Variants in ANXA8 observed in about 807,000 individuals in gnomAD.
The protein encoded by ANXA8 is annexin A8, also known as VAC-beta.
Under a neutral mutation model 26.8 loss-of-function variants are expected in ANXA8, and 9 were observed. The observed-to-expected ratio is 0.34, with a 90% CI of 0.20 to 0.59. The LOEUF (loss-of-function observed/expected upper bound fraction) is 0.59. Ranked by LOEUF, ANXA8 falls within the 20% of genes least tolerant of loss-of-function variation. The pLI, the probability that ANXA8 is intolerant of heterozygous loss-of-function variation, is 0.84. For synonymous variants in ANXA8, 39 were observed against 94.8 expected (o/e 0.41, Z 3.42); for missense variants, 83 against 238.5 (o/e 0.35, Z 4.29).
At chr10:47,556,570 G>GTTC in the ANXA8 span, among the ~76,000 whole-genome samples, 3 of 151,796 alleles carry the variant, frequency 2.0e-5, no homozygotes, top group Non-Finnish European at 4.4e-5. Context: ...CCATCAGGCT[G>GTTC]TAAGTTAAAT....
the ANXA8 span, among the ~76,000 whole-genome samples, chr10:47,733,197 CTTTCTTTCTTTCTTTCTT>C: frequency 9.1e-6 from 1 of 109,726 alleles, no homozygotes; most frequent in Non-Finnish European, 2.1e-5. Flanking sequence ...TTCTTTCTTT[CTTTCTTTCTTTCTTTCTT>C]TCTTTCTCTT....
the ANXA8 span, among the ~76,000 whole-genome samples, chr10:47,495,997 G>A: frequency 1.5e-4 from 22 of 151,616 alleles, 1 homozygote; most frequent in Non-Finnish European, 2.8e-4. Flanking sequence ...AGAGAGGCGG[G>A]AACACTTGGG....
chr10:47,643,231 C>CA, the ANXA8 span, among the ~76,000 whole-genome samples: 2 of 117,018 alleles, frequency 1.7e-5, no homozygotes, highest in Admixed American at 8.4e-5. Context: ...ATTAGTGTAT[C>CA]AAAAATGAGA....
the ANXA8 span, among the ~76,000 whole-genome samples, chr10:47,510,867 G>A: frequency 7.9e-6 from 1 of 126,292 alleles, no homozygotes; most frequent in African/African-American, 3.1e-5. Context: ...AGTTTAAAAT[G>A]AGATTTCATA....
chr10:47,675,337 A>T, the ANXA8 span, among the ~76,000 whole-genome samples: 1 of 150,286 alleles, frequency 6.7e-6, no homozygotes, highest in Non-Finnish European at 1.5e-5. Flanking sequence ...AATAGTGAGA[A>T]ATCTGTCTCC....
the ANXA8 span, chr10:47,565,061 T>C: frequency 1.3e-6 from 1 of 774,356 alleles, no homozygotes; most frequent in Non-Finnish European, 2.4e-6. Context: ...CATGGGCATG[T>C]CCTCCGAAGA....
chr10:47,618,611 A>C, the ANXA8 span, among the ~76,000 whole-genome samples: 1 of 115,080 alleles, frequency 8.7e-6, no homozygotes, highest in Non-Finnish European at 1.9e-5. Context: ...CCATTAAAAA[A>C]CAATTTTCTA....
At chr10:47,956,907 A>G in the ANXA8 span, among the ~76,000 whole-genome samples, 1 of 150,004 alleles carries the variant, frequency 6.7e-6, no homozygotes, top group African/African-American at 2.5e-5. Context: ...GTTTGAACTC[A>G]CCTGTGCATC....
the ANXA8 span, among the ~76,000 whole-genome samples, chr10:47,553,899 C>T: frequency 6.7e-6 from 1 of 149,322 alleles, no homozygotes; most frequent in Non-Finnish European, 1.5e-5. Flanking sequence ...GGCGAATGGA[C>T]TATGGCTGGA....
the ANXA8 span, among the ~76,000 whole-genome samples, chr10:47,552,611 C>T: frequency 1.3e-5 from 2 of 152,094 alleles, no homozygotes; most frequent in East Asian, 1.9e-4. Context: ...CCTGGAGACC[C>T]CATGGACTTA....
At chr10:47,706,571 G>A in the ANXA8 span, 1 of 716,932 alleles carries the variant, frequency 1.4e-6, no homozygotes. Flanking sequence ...AGAAAGACCT[G>A]CATATGGAAA....
At chr10:47,487,548 A>G (rs1320667085), upstream of ANXA8, 7 of 372,728 alleles carry the variant, frequency 1.9e-5, no homozygotes, top group East Asian at 4.4e-4. Context: ...ATTACTGCAG[A>G]ATGAATTTGA....
chr10:47,705,969 G>C, the ANXA8 span, among the ~76,000 whole-genome samples: 2 of 151,118 alleles, frequency 1.3e-5, no homozygotes, highest in East Asian at 2.0e-4. Flanking sequence ...GAAGAGGGGC[G>C]GTGCTGACGC....
chr10:47,584,947 G>A, the ANXA8 span, among the ~76,000 whole-genome samples: 6 of 146,922 alleles, frequency 4.1e-5, 1 homozygote, highest in Admixed American at 2.0e-4. Context: ...AATTAGCCAC[G>A]CATGGTGGCA....
At chr10:47,548,344 C>T in the ANXA8 span, among the ~76,000 whole-genome samples, 1 of 146,822 alleles carries the variant, frequency 6.8e-6, no homozygotes, top group African/African-American at 2.5e-5. Flanking sequence ...TCTTGTTGCC[C>T]AGGCTAGAGT....
chr10:47,658,425 A>G, the ANXA8 span, among the ~76,000 whole-genome samples: 1 of 150,406 alleles, frequency 6.6e-6, no homozygotes, highest in African/African-American at 2.5e-5. Context: ...AGAATTGCTT[A>G]TATTTTCACA....
chr10:47,722,649 C>G, the ANXA8 span, among the ~76,000 whole-genome samples: 2 of 140,638 alleles, frequency 1.4e-5, no homozygotes, highest in Admixed American at 7.2e-5. Context: ...AGTGGCAGCT[C>G]ATTTCCTCAG....
chr10:47,944,081 A>G, the ANXA8 span, among the ~76,000 whole-genome samples: 866 of 146,876 alleles, frequency 5.9e-3, 69 homozygotes, highest in African/African-American at 0.021. Context: ...CACGTGGACA[A>G]CATAAGTTTA....
the ANXA8 span, among the ~76,000 whole-genome samples, chr10:47,659,072 C>T: frequency 6.6e-6 from 1 of 151,774 alleles, no homozygotes; most frequent in Admixed American, 6.6e-5. Flanking sequence ...GGGGTTTCAC[C>T]GTGTTAGCTA....
Sources: gnomAD v4.1 joint callset for allele counts (sites outside exome capture counted in the v4.1 genomes callset) on GRCh38, gnomAD v4.1.1 for gene constraint, MANE v1.5 for transcripts, NCBI Gene and HGNC (gene_info 2026-07-23, HGNC 2026-07-21) for gene names.